Variants in PTPRD observed in about 807,000 individuals in gnomAD.
PTPRD encodes the protein receptor-type tyrosine-protein phosphatase delta.
PTPRD carries 34 observed loss-of-function variants against 214.5 expected under a neutral mutation model. The observed-to-expected ratio is 0.16, with a 90% CI of 0.12 to 0.21. The LOEUF (loss-of-function observed/expected upper bound fraction) is 0.21. Ranked by LOEUF, PTPRD falls within the 10% of genes least tolerant of loss-of-function variation. PTPRD has a pLI of 1.00. For missense variants in PTPRD, 2,545 were observed against 2,398.7 expected, an observed-to-expected ratio of 1.06 and a Z score of -1.27; for synonymous variants, 1,128 against 845.7, an observed-to-expected ratio of 1.33 and a Z score of -5.79.
At chr9:9,968,885 G>A (rs551445673) in intron 4 of PTPRD, among the ~76,000 whole-genome samples, 2 of 152,038 alleles carry the variant, frequency 1.3e-5, no homozygotes, top group Non-Finnish European at 1.5e-5. Context: ...CTTAATAACT[G>A]AATAAGTTAT....
intron 9 of PTPRD, among the ~76,000 whole-genome samples, chr9:9,338,779 G>C (rs944794879): frequency 6.6e-6 from 1 of 152,060 alleles, no homozygotes; most frequent in African/African-American, 2.4e-5. Flanking sequence ...TGCCATGGTG[G>C]CTTGCTGCAA....
intron 14 of PTPRD, among the ~76,000 whole-genome samples, chr9:8,608,792 G>T (rs941802228): frequency 6.6e-6 from 1 of 152,140 alleles, no homozygotes; most frequent in African/African-American, 2.4e-5. Context: ...TCTTAATTCT[G>T]GAGGGGTTTA....
intron 11 of PTPRD, among the ~76,000 whole-genome samples, chr9:8,840,302 G>A (rs1276447779): frequency 1.3e-5 from 2 of 152,142 alleles, no homozygotes; most frequent in South Asian, 2.1e-4. Context: ...CTGTTCTCGT[G>A]ATAGCAAATA....
chr9:10,510,688 A>T (rs182074975), intron 2 of PTPRD, among the ~76,000 whole-genome samples: 21 of 152,244 alleles, frequency 1.4e-4, no homozygotes, highest in Middle Eastern at 6.8e-3. Context: ...CATTTTAAAC[A>T]TTGATTATTT....
intron 11 of PTPRD, among the ~76,000 whole-genome samples, chr9:8,891,957 T>C (rs2098543396): frequency 6.6e-6 from 1 of 152,216 alleles, no homozygotes; most frequent in African/African-American, 2.4e-5. Context: ...CTTGTGATTA[T>C]CTTCCCCTTC....
At chr9:9,316,405 A>G (rs756224530) in intron 9 of PTPRD, among the ~76,000 whole-genome samples, 2 of 152,178 alleles carry the variant, frequency 1.3e-5, no homozygotes, top group Non-Finnish European at 2.9e-5. Context: ...TATAGTACAC[A>G]TAGAGCTTCT....
chr9:9,937,044 G>A (rs1433817464), intron 5 of PTPRD, among the ~76,000 whole-genome samples: 16 of 152,060 alleles, frequency 1.1e-4, no homozygotes, highest in African/African-American at 3.1e-4. Context: ...ATGGACACAG[G>A]AAGGGGAACA....
At chr9:8,568,148 A>T (rs970019582) in intron 14 of PTPRD, among the ~76,000 whole-genome samples, 1 of 152,146 alleles carries the variant, frequency 6.6e-6, no homozygotes, top group Non-Finnish European at 1.5e-5. Context: ...AATCCAATAG[A>T]TTTTGGTTTA....
chr9:8,729,013 T>A (rs1195236385), intron 12 of PTPRD, among the ~76,000 whole-genome samples: 2 of 152,240 alleles, frequency 1.3e-5, no homozygotes, highest in African/African-American at 2.4e-5. Flanking sequence ...TCCTGCAAGA[T>A]AATTCCTGGT....
chr9:8,602,260 C>A (rs530215973), intron 14 of PTPRD, among the ~76,000 whole-genome samples: 180 of 152,318 alleles, frequency 1.2e-3, no homozygotes, highest in African/African-American at 4.2e-3. Flanking sequence ...AAGGTGTTTA[C>A]AATTACATCT....
chr9:9,954,787 G>C (rs180990058), intron 4 of PTPRD, among the ~76,000 whole-genome samples: 11 of 151,978 alleles, frequency 7.2e-5, no homozygotes, highest in Non-Finnish European at 1.5e-4. Context: ...TACAGTAATA[G>C]ATACAAGTAA....
At chr9:8,723,020 G>C (rs1184664397) in intron 12 of PTPRD, among the ~76,000 whole-genome samples, 1 of 152,114 alleles carries the variant, frequency 6.6e-6, no homozygotes, top group Non-Finnish European at 1.5e-5. Flanking sequence ...TCCTAGTAGA[G>C]AACAGTAGTA....
At chr9:9,497,714 T>C (rs1033236756) in intron 8 of PTPRD, among the ~76,000 whole-genome samples, 1 of 152,082 alleles carries the variant, frequency 6.6e-6, no homozygotes, top group African/African-American at 2.4e-5. Context: ...CCTTTATGCC[T>C]CCACCACTCA....
intron 3 of PTPRD, among the ~76,000 whole-genome samples, chr9:10,155,305 T>A (rs941874934): frequency 1.3e-5 from 2 of 152,122 alleles, no homozygotes; most frequent in Non-Finnish European, 2.9e-5. Context: ...TTTTATATCA[T>A]GAGACTTTGC....
chr9:8,968,270 A>C (rs2099212414), intron 11 of PTPRD, among the ~76,000 whole-genome samples: 1 of 152,110 alleles, frequency 6.6e-6, no homozygotes, highest in Admixed American at 6.6e-5. Flanking sequence ...GTATATACCC[A>C]GTAATGGGAT....
At chr9:9,019,932 T>C (rs757954044) in intron 10 of PTPRD, among the ~76,000 whole-genome samples, 1 of 152,140 alleles carries the variant, frequency 6.6e-6, no homozygotes, top group Non-Finnish European at 1.5e-5. Context: ...ACCTGGACTC[T>C]ATGTGAATAG....
chr9:10,537,829 T>C (rs2058191531), intron 2 of PTPRD, among the ~76,000 whole-genome samples: 1 of 152,162 alleles, frequency 6.6e-6, no homozygotes, highest in Non-Finnish European at 1.5e-5. Context: ...TCCTTATTCC[T>C]CTATGCAGGT....
intron 7 of PTPRD, among the ~76,000 whole-genome samples, chr9:9,702,318 G>A (rs1417052670): frequency 1.3e-5 from 2 of 152,172 alleles, no homozygotes; most frequent in Non-Finnish European, 2.9e-5. Context: ...GGTAACAAGA[G>A]AGGAATTAAT....
chr9:9,109,704 T>C (rs1256043928), intron 10 of PTPRD, among the ~76,000 whole-genome samples: 2 of 152,142 alleles, frequency 1.3e-5, no homozygotes, highest in Non-Finnish European at 2.9e-5. Flanking sequence ...CCTCCTCTTA[T>C]ATTCTTCTTG....
Sources: gnomAD v4.1 joint callset for allele counts (sites outside exome capture counted in the v4.1 genomes callset) on GRCh38, gnomAD v4.1.1 for gene constraint, MANE v1.5 for transcripts, NCBI Gene and HGNC (gene_info 2026-07-23, HGNC 2026-07-21) for gene names.